The following SMIM12 variants were observed in gnomAD, a reference collection of about 807,000 sequenced individuals.
SMIM12 encodes UPF0767 protein C1orf212.
A neutral mutation model predicts 6.3 loss-of-function variants in SMIM12; 5 were observed. The observed-to-expected ratio is 0.80, with a 90% CI of 0.42 to 1.68. The LOEUF is 1.68. SMIM12 is among the 40% of genes most tolerant of loss of function. The pLI, the probability that SMIM12 is intolerant of heterozygous loss-of-function variation, is 0.02. For synonymous variants in SMIM12, 51 were observed against 48.0 expected (o/e 1.06, Z -0.26); for missense variants, 103 against 121.4 (o/e 0.85, Z 0.71).
intron 1 of SMIM12, chr1:34,858,105 T>C (rs1244461190): frequency 6.8e-6 from 1 of 148,050 alleles, no homozygotes; most frequent in Non-Finnish European, 1.5e-5. Flanking sequence ...GGCAGCATCA[T>C]GAAATTTAAA....
chr1:34,856,024 T>A, intron 1 of SMIM12, 42 bp from the exon 2 acceptor site: 2 of 1,498,708 alleles, frequency 1.3e-6, no homozygotes, highest in South Asian at 1.3e-5. Flanking sequence ...CCCAGCATCA[T>A]CTCCCACCAA....
In SMIM12 at chr1:34,855,658, G is replaced by A. The variant is rs1334672361; in HGVS notation, c.*41C>T. The A allele has an allele frequency of 1.9e-6, 3 of 1,613,744 alleles. No homozygotes were observed. In the African/African-American group the frequency reaches 4.0e-5, roughly 22 times the overall value. The stretch of plus-strand genomic sequence containing the variant: ...CTCTGTCAACATGGTAGCAGGACAA[G>A]TCACCACCCACAGTAGGACCATAGG... On this transcript the variant is annotated 3_prime_UTR_variant, in exon 2 of 2. Coordinates refer to ENST00000521580, the MANE Select transcript of SMIM12 (RefSeq NM_138428.6).
At position 34,854,010 on chromosome 1, in the gene SMIM12, A is replaced by ACAAC. The variant is rs1185830633; in HGVS notation, c.*1688_*1689insGTTG. 1 of 86,460 alleles carries ACAAC rather than the reference A, an allele frequency of 1.2e-5. No homozygotes were observed. The highest frequency in any genetic ancestry group is 9.9e-5 in the Admixed American group (1 of 10,146). 5.4% of individuals were successfully genotyped at this position (86,460 alleles called of 1,614,324 possible). A position where few individuals can be genotyped will look rare whatever the true frequency, so the allele number is the denominator to read the frequency against. Reference sequence around the variant, plus strand: ...AAACAACAACAACAACAACAACAAAAAAAAACTACAGACTGCCAGGCACGG... The same window carrying ACAAC: ...AAACAACAACAACAACAACAACAAAACAACAAAAACTACAGACTGCCAGGCACGG... On this transcript the variant is annotated 3_prime_UTR_variant, in exon 2 of 2. Transcript: ENST00000521580.
At position 34,855,264 on chromosome 1, in the gene SMIM12, G is replaced by A; in HGVS notation, c.*435C>T. 1 of 1,372,274 alleles carries A rather than the reference G, an allele frequency of 7.3e-7. No individual in the cohort carries two copies. Among genetic ancestry groups the A allele is most frequent in the Non-Finnish European group, 9.8e-7 (1 of 1,025,122 alleles). The allele number at this position is 1,372,274 out of a possible 1,614,324, so 85.0% of individuals were successfully genotyped here. On this transcript the variant is annotated 3_prime_UTR_variant, in exon 2 of 2. Transcript: ENST00000521580. ...CAGTAAGAATGAGCACAAAGGATAG[G>A]GCAAAATAGTGAAGGGAGCCAGGTG...
Position 34,853,102 on chromosome 1 carries a change from C to T in SMIM12, c.*2597G>A, listed in dbSNP as rs1280409727. On this transcript the variant is annotated 3_prime_UTR_variant, in exon 2 of 2. Coordinates refer to ENST00000521580, the MANE Select transcript of SMIM12 (RefSeq NM_138428.6). Reference sequence around the variant, plus strand: ...GAAGAAGCCAACGACTCAACCTGCTCCCTCCTCTCAGGCCACCACCAGGTC... The same window carrying T: ...GAAGAAGCCAACGACTCAACCTGCTTCCTCCTCTCAGGCCACCACCAGGTC... 2.0e-5 allele frequency: 3 copies of T among 152,542 alleles called. No individual in the cohort carries two copies. Among genetic ancestry groups the T allele is most frequent in the African/African-American group, 4.8e-5 (2 of 41,568 alleles). The allele number at this position is 152,542 out of a possible 1,614,324, so 9.4% of individuals were successfully genotyped here. A position where few individuals can be genotyped will look rare whatever the true frequency, so the allele number is the denominator to read the frequency against.
At position 34,855,778 on chromosome 1, in the gene SMIM12, G is replaced by A. The variant is rs759754866; in HGVS notation, c.200C>T (p.Thr67Met). The A allele has an allele frequency of 8.3e-6, 13 of 1,565,848 alleles. No homozygotes were observed. The highest frequency in any genetic ancestry group is 4.7e-5 in the South Asian group (4 of 85,916). ...CTTGTCCTTAAGGCTCACCACCTGC[G>A]TGTGGTCCTTGCCTAGAAGCTCATC... ...KLDELLGKDH[T>M]QVVSLKDKLE... The change falls in exon 2 of 2, where the codon ACG (threonine) becomes ATG (methionine). Residue 67 changes from threonine (T) to methionine (M), a missense_variant. Transcript: ENST00000521580.
intron 1 of SMIM12, chr1:34,857,237 C>T (rs1638682394): frequency 3.1e-5 from 1 of 32,520 alleles, no homozygotes; most frequent in South Asian, 9.3e-4. Flanking sequence ...CTGTACAAGC[C>T]CGGGGGGTGG....
rs1265997734 is a variant in SMIM12 at position 34,850,938 on chromosome 1, T to C, written c.*4761A>G. ...ACCAGCTTGTGCTTCTTGGTTCTTA[T>C]GCAAGCCAGTTCTCTCTGTGAAATA... On this transcript the variant is annotated 3_prime_UTR_variant, in exon 2 of 2. Transcript: ENST00000521580. 1 of 152,232 alleles carries C rather than the reference T, an allele frequency of 6.6e-6. No individual in the cohort carries two copies. Among genetic ancestry groups the C allele is most frequent in the East Asian group, 1.9e-4 (1 of 5,196 alleles). The allele number at this position is 152,232 out of a possible 1,614,324, so 9.4% of individuals were successfully genotyped here. A position where few individuals can be genotyped will look rare whatever the true frequency, so the allele number is the denominator to read the frequency against.
intron 1 of SMIM12, among the ~76,000 whole-genome samples, chr1:34,856,342 G>A (rs530622389): frequency 1.3e-5 from 2 of 152,280 alleles, no homozygotes; most frequent in South Asian, 4.1e-4. Flanking sequence ...TTACAGGCGT[G>A]AGCCACCACA....
At chr1:34,857,433 C>G (rs1392102998) in intron 1 of SMIM12, 5 of 152,286 alleles carry the variant, frequency 3.3e-5, no homozygotes, top group African/African-American at 1.2e-4. Context: ...ACACAGCTAC[C>G]ATTTATTGAG....
At position 34,855,395 on chromosome 1, in the gene SMIM12, C is replaced by T; in HGVS notation, c.*304G>A. On this transcript the variant is annotated 3_prime_UTR_variant, in exon 2 of 2. Coordinates refer to ENST00000521580, the MANE Select transcript of SMIM12 (RefSeq NM_138428.6). ...TTCCCACTAGAGGCCAAACCGCCTG[C>T]CCACAGAGATTGACAGCCAATGTTC... The T allele has an allele frequency of 6.7e-7, 1 of 1,497,184 alleles. No homozygotes were observed. The highest frequency in any genetic ancestry group is 9.0e-7 in the Non-Finnish European group (1 of 1,105,758). 92.7% of individuals were successfully genotyped at this position (1,497,184 alleles called of 1,614,324 possible). A position where few individuals can be genotyped will look rare whatever the true frequency, so the allele number is the denominator to read the frequency against.
In SMIM12 at chr1:34,854,986, T is replaced by C. The variant is rs1412639047; in HGVS notation, c.*713A>G. On this transcript the variant is annotated 3_prime_UTR_variant, in exon 2 of 2. Coordinates refer to ENST00000521580, the MANE Select transcript of SMIM12 (RefSeq NM_138428.6). ...ATGTTATCCTGCTCTAAAATGCCTG[T>C]ACTTGCCTAACTCCTAAGAAGACCC... 13 of 1,125,784 alleles carry C rather than the reference T, an allele frequency of 1.2e-5. No individual in the cohort carries two copies. Among genetic ancestry groups the C allele is most frequent in the African/African-American group, 1.6e-5 (1 of 61,634 alleles). The allele number at this position is 1,125,784 out of a possible 1,614,324, so 69.7% of individuals were successfully genotyped here.
chr1:34,856,867 C>T (rs574810203), intron 1 of SMIM12: 25 of 152,298 alleles, frequency 1.6e-4, no homozygotes, highest in African/African-American at 6.0e-4. Flanking sequence ...AACAATGGAA[C>T]AAACCTATAC....
chr1:34,856,576 T>C (rs1484176904), intron 1 of SMIM12: 1 of 152,296 alleles, frequency 6.6e-6, no homozygotes, highest in Non-Finnish European at 1.5e-5. Flanking sequence ...TTCAAGCCTA[T>C]TGTTGACCCC....
At position 34,855,387 on chromosome 1, in the gene SMIM12, A is replaced by ACCG. The variant is rs373255869; in HGVS notation, c.*309_*311dup. On this transcript the variant is annotated 3_prime_UTR_variant, in exon 2 of 2. Transcript: ENST00000521580. ...CCCAGCCATTCCCACTAGAGGCCAA[A>ACCG]CCGCCTGCCCACAGAGATTGACAGC... 3.4e-6 allele frequency: 5 copies of ACCG among 1,481,776 alleles called. No homozygotes were observed. The highest frequency in any genetic ancestry group is 9.1e-7 in the Non-Finnish European group (1 of 1,095,992). The allele number at this position is 1,481,776 out of a possible 1,614,324, so 91.8% of individuals were successfully genotyped here.
chr1:34,858,752 C>T (rs901526356), intron 1 of SMIM12: 35 of 152,332 alleles, frequency 2.3e-4, no homozygotes, highest in African/African-American at 8.4e-4. Context: ...GTCCTGCTCA[C>T]ATTCTAATCA....
At position 34,851,850 on chromosome 1, in the gene SMIM12, T is replaced by C. The variant is rs920364429; in HGVS notation, c.*3849A>G. ...AGCCCCAAGCACATCCACTCACTCA[T>C]GTGTTTCAGTGAACTGTGACTGGAA... On this transcript the variant is annotated 3_prime_UTR_variant, in exon 2 of 2. Coordinates refer to ENST00000521580, the MANE Select transcript of SMIM12 (RefSeq NM_138428.6). 2.0e-5 allele frequency among the ~76,000 whole-genome samples: 3 copies of C among 152,164 alleles called. No homozygotes were observed. Among genetic ancestry groups the C allele is most frequent in the Non-Finnish European group, 4.4e-5 (3 of 68,022 alleles).
In SMIM12 at chr1:34,855,063, C is replaced by A; in HGVS notation, c.*636G>T. 1 of 1,276,176 alleles carries A rather than the reference C, an allele frequency of 7.8e-7. No individual in the cohort carries two copies. The highest frequency in any genetic ancestry group is 1.0e-6 in the Non-Finnish European group (1 of 978,556). The allele number at this position is 1,276,176 out of a possible 1,614,324, so 79.1% of individuals were successfully genotyped here. A position where few individuals can be genotyped will look rare whatever the true frequency, so the allele number is the denominator to read the frequency against. Reference sequence around the variant, plus strand: ...CGATCATTATGGTTCTCAGATACCACTTTAATCAGGTTTTTCACTATACAG... The same window carrying A: ...CGATCATTATGGTTCTCAGATACCAATTTAATCAGGTTTTTCACTATACAG... On this transcript the variant is annotated 3_prime_UTR_variant, in exon 2 of 2. Coordinates refer to ENST00000521580, the MANE Select transcript of SMIM12 (RefSeq NM_138428.6).
In SMIM12 at chr1:34,850,999, G is replaced by T. The variant is rs1640917381; in HGVS notation, c.*4700C>A. 1 of 152,132 alleles carries T rather than the reference G, an allele frequency of 6.6e-6. No individual in the cohort carries two copies. The highest frequency in any genetic ancestry group is 1.5e-5 in the Non-Finnish European group (1 of 68,036). 9.4% of individuals were successfully genotyped at this position (152,132 alleles called of 1,614,324 possible). On this transcript the variant is annotated 3_prime_UTR_variant, in exon 2 of 2. Transcript: ENST00000521580. ...GCCCTCAACCACCAGGTCTATGAGGGTCCCTGTTGTCCCTCAGCCAAGGCT... is the reference window on the plus strand; with the variant it reads ...GCCCTCAACCACCAGGTCTATGAGGTTCCCTGTTGTCCCTCAGCCAAGGCT...
Sources: allele counts gnomAD v4.1 joint callset (sites outside exome capture counted in the v4.1 genomes callset), GRCh38; gene constraint gnomAD v4.1.1; transcripts MANE v1.5; gene names NCBI Gene and HGNC (gene_info 2026-07-23, HGNC 2026-07-21).